The following LARP4B variants were observed in gnomAD, a reference collection of about 807,000 sequenced individuals.
LARP4B encodes La ribonucleoprotein 4B.
Under a neutral mutation model 89.8 loss-of-function variants are expected in LARP4B, and 12 were observed. The observed-to-expected ratio is 0.13, with a 90% confidence interval of 0.09 to 0.22. The LOEUF is 0.22. LARP4B is among the 10% of genes least tolerant of loss of function. LARP4B has a pLI of 1.00. For missense variants in LARP4B, 757 were observed against 947.7 expected (o/e 0.80, Z 2.64); for synonymous variants, 367 against 363.3 (o/e 1.01, Z -0.12).
intron 8 of LARP4B, among the ~76,000 whole-genome samples, chr10:834,473 T>G (rs1370362081): frequency 1.3e-5 from 2 of 152,212 alleles, no homozygotes; most frequent in Admixed American, 1.3e-4. Flanking sequence ...ATTTAAAGAA[T>G]AATTTTCTGG....
chr10:935,661 A>T (rs778185143), upstream of LARP4B, among the ~76,000 whole-genome samples: 6 of 151,674 alleles, frequency 4.0e-5, no homozygotes, highest in Non-Finnish European at 8.8e-5. Context: ...TCTCTAGCAG[A>T]GGCCTACATT....
chr10:917,667 C>G (rs1326500580), intron 1 of LARP4B, among the ~76,000 whole-genome samples: 1 of 152,192 alleles, frequency 6.6e-6, no homozygotes, highest in African/African-American at 2.4e-5. Context: ...TTTGCGACCT[C>G]AAGAAGAGAG....
intron 5 of LARP4B, among the ~76,000 whole-genome samples, chr10:850,561 A>C (rs1833991554): frequency 6.6e-6 from 1 of 152,250 alleles, no homozygotes; most frequent in Admixed American, 6.5e-5. Flanking sequence ...AGTTGACAGA[A>C]CAAGTAGACA....
intron 5 of LARP4B, among the ~76,000 whole-genome samples, chr10:857,184 G>A (rs187582353): frequency 4.8e-4 from 73 of 152,232 alleles, no homozygotes; most frequent in Admixed American, 2.4e-3. Context: ...AACCAGGCAT[G>A]ACAGAGATGT....
the LARP4B span, among the ~76,000 whole-genome samples, chr10:949,860 T>C: frequency 6.6e-6 from 1 of 152,232 alleles, no homozygotes; most frequent in South Asian, 2.1e-4. Context: ...GAGGCTGCAG[T>C]GCAGTGGTGC....
intron 1 of LARP4B, among the ~76,000 whole-genome samples, chr10:891,906 G>A (rs554599096): frequency 2.6e-5 from 4 of 152,292 alleles, no homozygotes; most frequent in Admixed American, 2.6e-4. Flanking sequence ...AATCTAAAAT[G>A]AGATTTAAAG....
intron 1 of LARP4B, among the ~76,000 whole-genome samples, chr10:906,146 T>C (rs1435526824): frequency 6.6e-6 from 1 of 152,236 alleles, no homozygotes; most frequent in African/African-American, 2.4e-5. Flanking sequence ...ATATCCATAA[T>C]GCATCAACAA....
Position 814,704 on chromosome 10 carries a change from G to A in LARP4B, c.1929+38C>T, listed in dbSNP as rs768720030. ...CAGCGTCTGTTCACACCAGAGCCTC[G>A]CGGCTGTCGTGCAGGAAGGCAGGCA... On this transcript the variant is annotated intron_variant, in intron 17 of 17. Coordinates refer to ENST00000316157, the MANE Select transcript of LARP4B (RefSeq NM_015155.3). The surrounding 1 kb of genome is among the most constrained non-coding windows in gnomAD (Gnocchi z 4.4). The A allele has an allele frequency of 6.4e-6, 10 of 1,562,642 alleles. No individual in the cohort carries two copies. Among genetic ancestry groups the A allele is most frequent in the African/African-American group, 2.7e-5 (2 of 73,604 alleles).
chr10:889,942 A>T (rs1286474089), intron 1 of LARP4B, among the ~76,000 whole-genome samples: 1 of 152,236 alleles, frequency 6.6e-6, no homozygotes, highest in African/African-American at 2.4e-5. Flanking sequence ...AAACTCTCTC[A>T]AAAGGATCAG....
chr10:862,279 A>AC (rs1554798768), intron 5 of LARP4B, among the ~76,000 whole-genome samples: 2 of 140,408 alleles, frequency 1.4e-5, no homozygotes, highest in Non-Finnish European at 3.1e-5. Context: ...AAAAAAAAAA[A>AC]AACAACCGTC....
the LARP4B span, among the ~76,000 whole-genome samples, chr10:975,291 G>A: frequency 1.3e-5 from 2 of 152,172 alleles, no homozygotes; most frequent in Non-Finnish European, 2.9e-5. Flanking sequence ...GTGGTGTCCC[G>A]AGCACACGTC....
the LARP4B span, among the ~76,000 whole-genome samples, chr10:943,448 G>A: frequency 6.6e-6 from 1 of 151,912 alleles, no homozygotes; most frequent in Non-Finnish European, 1.5e-5. Context: ...TTGTCTTTTC[G>A]AGACAGGGCC....
At position 828,325 on chromosome 10, in the gene LARP4B, A is replaced by C. The variant is rs994169358; in HGVS notation, c.1125+1060T>G. 3.3e-5 allele frequency among the ~76,000 whole-genome samples: 5 copies of C among 152,216 alleles called. No homozygotes were observed. In the East Asian group the frequency reaches 7.7e-4, roughly 23 times the overall value. ...TGAAAAGCTCAACCTAGATGACAAC[A>C]CAATCCCTGATAAGACCTGTCAGTG... On this transcript the variant is annotated intron_variant, in intron 11 of 17. Coordinates refer to ENST00000316157, the MANE Select transcript of LARP4B (RefSeq NM_015155.3).
At chr10:866,128 C>G (rs1834886799) in intron 3 of LARP4B, among the ~76,000 whole-genome samples, 1 of 152,326 alleles carries the variant, frequency 6.6e-6, no homozygotes, top group Non-Finnish European at 1.5e-5. Context: ...CCTGCTCCCC[C>G]AGTCACTGGA....
intron 1 of LARP4B, among the ~76,000 whole-genome samples, chr10:891,387 C>G (rs1314961796): frequency 1.3e-5 from 2 of 152,102 alleles, no homozygotes; most frequent in Non-Finnish European, 2.9e-5. Flanking sequence ...AGAGAAACAA[C>G]AGTAAAAGGA....
the LARP4B span, among the ~76,000 whole-genome samples, chr10:945,423 ACACC>A: frequency 6.7e-6 from 1 of 149,880 alleles, no homozygotes; most frequent in Non-Finnish European, 1.5e-5. Context: ...ATGGTGGCTC[ACACC>A]TGTAATCCCA....
At chr10:911,355 GA>G (rs887804897) in intron 1 of LARP4B, among the ~76,000 whole-genome samples, 17 of 149,698 alleles carry the variant, frequency 1.1e-4, no homozygotes, top group African/African-American at 3.2e-4. Flanking sequence ...TTTTTGGAAG[GA>G]AAAAAAAAGC....
intron 15 of LARP4B, among the ~76,000 whole-genome samples, chr10:817,462 G>C (rs192081564): frequency 6.6e-6 from 1 of 152,266 alleles, no homozygotes; most frequent in Non-Finnish European, 1.5e-5. Flanking sequence ...TAAGTTTCTG[G>C]GTGAGAGAAA....
chr10:826,330 G>A (rs915303391), intron 11 of LARP4B, among the ~76,000 whole-genome samples: 2 of 152,162 alleles, frequency 1.3e-5, no homozygotes, highest in Admixed American at 6.5e-5. Context: ...CAGCCTGACA[G>A]GGCCTTTACC....
Sources: allele counts gnomAD v4.1 joint callset (sites outside exome capture counted in the v4.1 genomes callset), GRCh38; gene constraint gnomAD v4.1.1; non-coding constraint Gnocchi (gnomAD v3.1); transcripts MANE v1.5; gene names NCBI Gene and HGNC (gene_info 2026-07-23, HGNC 2026-07-21).